Variants in NOL4 observed in about 807,000 individuals in gnomAD.
NOL4 encodes the protein nucleolar protein 4, also known as cancer/testis antigen 125.
Under a neutral mutation model 75.9 loss-of-function variants are expected in NOL4, and 17 were observed. The observed-to-expected ratio is 0.22, with a 90% CI of 0.15 to 0.34. The LOEUF (loss-of-function observed/expected upper bound fraction) is 0.34, where lower values mean the gene tolerates loss of function less well. NOL4 is among the 10% of genes least tolerant of loss of function. The pLI is 1.00. For missense variants in NOL4, 614 were observed against 793.5 expected (o/e 0.77, Z 2.72); for synonymous variants, 292 against 289.9 (o/e 1.01, Z -0.07).
At chr18:33,989,676 T>C (rs2072769289) in intron 6 of NOL4, among the ~76,000 whole-genome samples, 1 of 152,088 alleles carries the variant, frequency 6.6e-6, no homozygotes, top group African/African-American at 2.4e-5. Flanking sequence ...TAGGGAAGTA[T>C]AACAATTCAT....
chr18:34,127,901 A>C (rs922761788), intron 2 of NOL4, among the ~76,000 whole-genome samples: 1 of 151,892 alleles, frequency 6.6e-6, no homozygotes, highest in Non-Finnish European at 1.5e-5. Context: ...CAAAGAAAAA[A>C]CTTGGGAAAA....
At chr18:33,981,746 A>T (rs2071979381) in intron 6 of NOL4, among the ~76,000 whole-genome samples, 1 of 152,104 alleles carries the variant, frequency 6.6e-6, no homozygotes, top group Non-Finnish European at 1.5e-5. Flanking sequence ...TTTTTCAAAG[A>T]GCATTAGAGG....
chr18:34,004,660 A>G lies in NOL4; in HGVS notation c.1056+14658T>C, dbSNP rs573353230. Among the ~76,000 whole-genome samples, 430 of 152,204 alleles carry G rather than the reference A, an allele frequency of 2.8e-3. 1 individual carries two copies. The highest frequency in any genetic ancestry group is 9.6e-3 in the African/African-American group (400 of 41,568). On this transcript the variant is annotated intron_variant, in intron 6 of 10. Transcript: ENST00000261592. ...GTTATGGTTAAGTAAACTGAGTTAA[A>G]GAGAGATTAACTATCTAAACCCACA...
At chr18:34,213,313 G>A (rs1199513766) in intron 1 of NOL4, among the ~76,000 whole-genome samples, 1 of 152,046 alleles carries the variant, frequency 6.6e-6, no homozygotes, top group African/African-American at 2.4e-5. Flanking sequence ...CTTTTGAGAT[G>A]GAGTCTCACT....
chr18:34,109,206 T>A (rs535079576), intron 2 of NOL4, among the ~76,000 whole-genome samples: 55 of 151,740 alleles, frequency 3.6e-4, no homozygotes, highest in Non-Finnish European at 6.8e-4. Context: ...TGTATAGCAA[T>A]AAATGCCACA....
intron 9 of NOL4, among the ~76,000 whole-genome samples, 180 bp downstream of exon 9, chr18:33,942,885 A>T (rs1207476754): frequency 1.3e-5 from 2 of 152,038 alleles, no homozygotes; most frequent in South Asian, 2.1e-4. Flanking sequence ...TTGTTCTTTG[A>T]CCTTCATTGA....
At chr18:34,035,387 C>T (rs1941353) in intron 5 of NOL4, among the ~76,000 whole-genome samples, 69,396 of 151,758 alleles carry the variant, frequency 0.46, 16,026 homozygotes, top group South Asian at 0.52. Context: ...AGAAATTAAG[C>T]TGGAAATTTA....
chr18:33,991,358 C>T (rs753715313), intron 6 of NOL4, among the ~76,000 whole-genome samples: 1 of 151,968 alleles, frequency 6.6e-6, no homozygotes, highest in East Asian at 1.9e-4. Context: ...TTTTAAATTG[C>T]ACATTGCTTC....
At chr18:34,114,207 A>G (rs1461419511) in intron 2 of NOL4, among the ~76,000 whole-genome samples, 9 of 152,248 alleles carry the variant, frequency 5.9e-5, no homozygotes, top group Admixed American at 5.9e-4. Flanking sequence ...TTGAATATAC[A>G]GTACAGAACA....
intron 5 of NOL4, among the ~76,000 whole-genome samples, chr18:34,088,097 A>G (rs1014909651): frequency 2.6e-5 from 4 of 151,944 alleles, no homozygotes; most frequent in Non-Finnish European, 4.4e-5. Context: ...TGCTTAAAAA[A>G]GCACAAATAC....
At chr18:33,879,672 C>A (rs910056892) in intron 10 of NOL4, among the ~76,000 whole-genome samples, 5 of 151,964 alleles carry the variant, frequency 3.3e-5, no homozygotes, top group African/African-American at 1.2e-4. Context: ...CAGAGTGAAA[C>A]CCTGTCCTAA....
chr18:34,047,337 A>G (rs1434220764), intron 5 of NOL4, among the ~76,000 whole-genome samples: 2 of 152,108 alleles, frequency 1.3e-5, no homozygotes, highest in East Asian at 3.9e-4. Flanking sequence ...GTAGTACATT[A>G]CTAGCAGGAT....
intron 1 of NOL4, among the ~76,000 whole-genome samples, chr18:34,130,973 G>C (rs2080616837): frequency 6.6e-6 from 1 of 151,838 alleles, no homozygotes; most frequent in Non-Finnish European, 1.5e-5. Context: ...TAAGAAATAA[G>C]TTTGGAATGA....
At chr18:33,907,547 C>A (rs567130712) in intron 9 of NOL4, among the ~76,000 whole-genome samples, 13 of 151,958 alleles carry the variant, frequency 8.6e-5, no homozygotes, top group Non-Finnish European at 1.3e-4. Context: ...AATAAAAATT[C>A]AGAACAAATA....
chr18:34,159,675 G>A (rs570915128), intron 1 of NOL4, among the ~76,000 whole-genome samples: 1 of 152,060 alleles, frequency 6.6e-6, no homozygotes, highest in South Asian at 2.1e-4. Context: ...TGTATGTCCC[G>A]ACCCGACCAA....
intron 9 of NOL4, among the ~76,000 whole-genome samples, chr18:33,909,352 C>T (rs1356372871): frequency 1.3e-5 from 2 of 152,154 alleles, no homozygotes; most frequent in Non-Finnish European, 2.9e-5. Context: ...CACTTCTTTA[C>T]CAATGACTTC....
chr18:33,917,581 G>A (rs948059663), intron 9 of NOL4, among the ~76,000 whole-genome samples: 3 of 151,938 alleles, frequency 2.0e-5, no homozygotes, highest in African/African-American at 7.3e-5. Flanking sequence ...CTGCAAGCTC[G>A]AATTCCTGGG....
At chr18:34,217,210 T>G (rs1362856405) in intron 1 of NOL4, among the ~76,000 whole-genome samples, 2 of 152,086 alleles carry the variant, frequency 1.3e-5, no homozygotes, top group Non-Finnish European at 1.5e-5. Flanking sequence ...AAAAATGGAG[T>G]AGGTAGAATA....
chr18:34,197,968 G>T (rs2035457253), intron 1 of NOL4, among the ~76,000 whole-genome samples: 1 of 151,784 alleles, frequency 6.6e-6, no homozygotes, highest in Non-Finnish European at 1.5e-5. Context: ...GAAGTAATGG[G>T]CAAAAACTCA....
Sources: gnomAD v4.1 joint callset for allele counts (sites outside exome capture counted in the v4.1 genomes callset) on GRCh38, gnomAD v4.1.1 for gene constraint, MANE v1.5 for transcripts, NCBI Gene and HGNC (gene_info 2026-07-23, HGNC 2026-07-21) for gene names.